GPX5: variants seen among roughly 807,000 people sequenced by gnomAD.
The protein encoded by GPX5 is glutathione peroxidase 5.
In GPX5, 20 loss-of-function variants were observed where a neutral mutation model predicts 23.8. The ratio of observed to expected loss-of-function variants is 0.84; its 90% CI spans 0.59 to 1.22. GPX5 has a LOEUF of 1.22. Ranked by LOEUF, GPX5 falls within the 50% of genes most tolerant of loss-of-function variation. The pLI is 0.00. For missense variants in GPX5, 230 were observed against 266.6 expected (o/e 0.86, Z 0.96); for synonymous variants, 92 against 99.5 (o/e 0.92, Z 0.45).
intron 1 of GPX5, among the ~76,000 whole-genome samples, chr6:28,526,430 A>G (rs1160744611): frequency 6.6e-6 from 1 of 152,144 alleles, no homozygotes; most frequent in Non-Finnish European, 1.5e-5. Context: ...GATGGGCTTT[A>G]GAGTAGGTGG....
Position 28,529,461 on chromosome 6 carries a change from A to G in GPX5, c.98A>G (p.His33Arg), listed in dbSNP as rs761518307. ...AAAAAAATCTTCCAGATGGATTGCC[A>G]CAAAGACGAGAAAGGCACCATCTAT... ...PKQEKMKMDC[H>R]KDEKGTIYDY... is the part of the protein sequence containing the mutation. The change falls in exon 2 of 5, where the codon CAC (histidine) becomes CGC (arginine). Residue 33 changes from histidine to arginine, a missense_variant. Physicochemically the swap from His to Arg is conservative, Grantham distance 29. Transcript: ENST00000412168. 5 of 1,607,718 alleles carry G rather than the reference A, an allele frequency of 3.1e-6. No individual in the cohort carries two copies. The South Asian group carries it at 5.6e-5, about 18-fold the overall frequency.
chr6:28,529,593 C>A lies in GPX5; in HGVS notation c.230C>A (p.Ala77Glu), dbSNP rs145161873. The A allele has an allele frequency of 1.1e-5, 17 of 1,607,138 alleles. No individual in the cohort carries two copies. The highest frequency in any genetic ancestry group is 8.9e-5 in the South Asian group (8 of 89,898). Residue 77 changes from alanine to glutamate, a missense_variant, in exon 2 of 5, where the codon GCG becomes GAG. Coordinates refer to ENST00000412168, the MANE Select transcript of GPX5 (RefSeq NM_001509.3). ...VNVATYCGLTAQYPELNALQE... is the reference protein window; with the variant it reads ...VNVATYCGLTEQYPELNALQE... Reference sequence around the variant, plus strand: ...GTGGCCACCTACTGTGGTCTGACAGCGCAATATCCTGGTAAGAGAATTCAT... The same window carrying A: ...GTGGCCACCTACTGTGGTCTGACAGAGCAATATCCTGGTAAGAGAATTCAT...
chr6:28,534,028 T>C lies in GPX5; in HGVS notation c.527T>C (p.Val176Ala). The change falls in exon 5 of 5, where the codon GTC becomes GCC. Residue 176 changes from valine (V) to alanine (A), a missense_variant. Coordinates refer to ENST00000412168, the MANE Select transcript of GPX5 (RefSeq NM_001509.3). ...FKSISWDPVK[V>A]HDIRWNFEKF... Reference sequence around the variant, plus strand: ...TCTATATCCTGGGACCCTGTAAAGGTCCATGACATCCGTTGGAACTTTGAA... The same window carrying C: ...TCTATATCCTGGGACCCTGTAAAGGCCCATGACATCCGTTGGAACTTTGAA... 6.2e-7 allele frequency: 1 copy of C among 1,611,226 alleles called. No homozygotes were observed.
chr6:28,527,834 C>T (rs1359766718), intron 1 of GPX5: 22 of 152,144 alleles, frequency 1.4e-4, no homozygotes, highest in Admixed American at 1.4e-3. Context: ...CATCGGTACA[C>T]TTGGGGTACT....
intron 4 of GPX5, 108 bp downstream of exon 4, chr6:28,532,528 C>T: frequency 2.8e-6 from 2 of 722,546 alleles, no homozygotes. Flanking sequence ...TGGGATTGGT[C>T]TTTGTGGAGA....
In GPX5 at chr6:28,534,764, C is replaced by T. The variant is rs1367057200; in HGVS notation, c.*597C>T. On this transcript the variant is annotated 3_prime_UTR_variant, in exon 5 of 5. Coordinates refer to ENST00000412168, the MANE Select transcript of GPX5 (RefSeq NM_001509.3). Reference sequence around the variant, plus strand: ...GAGGGCATCTCCATGCTTGTGGGACCCAAAACCTATCTCTGGCCCTACAAA... The same window carrying T: ...GAGGGCATCTCCATGCTTGTGGGACTCAAAACCTATCTCTGGCCCTACAAA... 6.6e-6 allele frequency: 1 copy of T among 152,196 alleles called. No homozygotes were observed. The highest frequency in any genetic ancestry group is 1.5e-5 in the Non-Finnish European group (1 of 68,064). 9.4% of individuals were successfully genotyped at this position (152,196 alleles called of 1,614,324 possible). A position where few individuals can be genotyped will look rare whatever the true frequency, so the allele number is the denominator to read the frequency against.
intron 1 of GPX5, chr6:28,527,893 G>A (rs2113628370): frequency 6.6e-6 from 1 of 152,298 alleles, no homozygotes; most frequent in Non-Finnish European, 1.5e-5. Context: ...GATGAGACCT[G>A]CCTTGTAGAG....
chr6:28,532,461 T>G (rs1310282212), intron 4 of GPX5, 41 bp downstream of exon 4: 2 of 1,249,670 alleles, frequency 1.6e-6, no homozygotes, highest in Non-Finnish European at 2.3e-6. Flanking sequence ...TCTTTTCTAA[T>G]ATTGCTAACA....
Position 28,531,630 on chromosome 6 carries a change from C to T in GPX5, c.242-148C>T, listed in dbSNP as rs960632319. ...CTGAAGATCCGGCCTCTAACTTCAG[C>T]TATGCTACTAACAGCCCTTCTGATG... On this transcript the variant is annotated intron_variant, in intron 2 of 4. Coordinates refer to ENST00000412168, the MANE Select transcript of GPX5 (RefSeq NM_001509.3). The T allele has an allele frequency of 9.2e-6, 6 of 649,266 alleles. No individual in the cohort carries two copies. The Middle Eastern group carries it at 1.7e-3, about 181-fold the overall frequency. The allele number at this position is 649,266 out of a possible 1,614,324, so 40.2% of individuals were successfully genotyped here.
chr6:28,531,829 G>A lies in GPX5; in HGVS notation c.293G>A (p.Gly98Asp). Residue 98 changes from glycine (G) to aspartate (D), a missense_variant, in exon 3 of 5, where the codon GGC (glycine) becomes GAC (aspartate). By Grantham distance (94) the Gly-to-Asp change is moderately conservative. Transcript: ENST00000412168. Reference protein sequence around the residue: ...ELKPYGLVVLGFPCNQFGKQE... With the variant: ...ELKPYGLVVLDFPCNQFGKQE... ...AAGCCCTATGGTCTAGTTGTGTTGG[G>A]CTTTCCCTGCAACCAATTTGGAAAG... 2 of 1,613,950 alleles carry A rather than the reference G, an allele frequency of 1.2e-6. No homozygotes were observed. Among genetic ancestry groups the A allele is most frequent in the Non-Finnish European group, 1.7e-6 (2 of 1,179,914 alleles).
At chr6:28,527,310 A>T (rs151313069) in intron 1 of GPX5, among the ~76,000 whole-genome samples, 238 of 152,312 alleles carry the variant, frequency 1.6e-3, no homozygotes, top group African/African-American at 4.7e-3. Context: ...TAACATGGAG[A>T]TAGAAACAGA....
intron 1 of GPX5, among the ~76,000 whole-genome samples, chr6:28,526,841 A>G (rs1307486987): frequency 6.6e-5 from 10 of 152,246 alleles, no homozygotes; most frequent in African/African-American, 2.4e-4. Flanking sequence ...AACCTCTGTT[A>G]TCTCATTGTA....
intron 2 of GPX5, among the ~76,000 whole-genome samples, chr6:28,531,177 T>TCATTGTCTGTGTCTGTTCCTTTAAAAAA (rs1413335983): frequency 7.9e-5 from 12 of 151,310 alleles, no homozygotes; most frequent in Admixed American, 1.3e-4. Context: ...AGCTCAGTCC[T>TCATTGTCTGTGTCTGTTCCTTTAAAAAA]GGCTAACATG....
chr6:28,531,266 G>A (rs1763307390), intron 2 of GPX5, among the ~76,000 whole-genome samples: 1 of 151,020 alleles, frequency 6.6e-6, no homozygotes, highest in South Asian at 2.1e-4. Flanking sequence ...AGCTACTCGG[G>A]AGTCTAAGGC....
chr6:28,532,883 G>C (rs544159295), intron 4 of GPX5, among the ~76,000 whole-genome samples: 12 of 152,248 alleles, frequency 7.9e-5, no homozygotes, highest in African/African-American at 2.9e-4. Context: ...GAAGACTGAG[G>C]CAGGACAGGA....
At chr6:28,532,482 G>A (rs750719954) in intron 4 of GPX5, 62 bp downstream of exon 4, 14 of 1,134,372 alleles carry the variant, frequency 1.2e-5, no homozygotes, top group Non-Finnish European at 1.7e-5. Context: ...TAGAGTTGGT[G>A]TGGCAGAAAT....
chr6:28,529,876 G>T, intron 2 of GPX5: 1 of 318,104 alleles, frequency 3.1e-6, no homozygotes, highest in Non-Finnish European at 5.7e-6. Flanking sequence ...TAAAATAGAG[G>T]TTAGTAGTTG....
chr6:28,533,273 G>A (rs980828638), intron 4 of GPX5, among the ~76,000 whole-genome samples: 1 of 152,162 alleles, frequency 6.6e-6, no homozygotes, highest in South Asian at 2.1e-4. Flanking sequence ...ATGCTGGACT[G>A]TGAACCAAGA....
At chr6:28,528,898 G>C (rs1255388905) in intron 1 of GPX5, among the ~76,000 whole-genome samples, 4 of 129,930 alleles carry the variant, frequency 3.1e-5, no homozygotes, top group Non-Finnish European at 1.6e-5. Context: ...GAGATGTTTT[G>C]ATACAGACAT....
Sources: allele counts gnomAD v4.1 joint callset (sites outside exome capture counted in the v4.1 genomes callset), GRCh38; gene constraint gnomAD v4.1.1; transcripts MANE v1.5; gene names NCBI Gene and HGNC (gene_info 2026-07-23, HGNC 2026-07-21).